The following EYA4 variants were observed in gnomAD, a reference collection of about 807,000 sequenced individuals.
EYA4 encodes EYA transcriptional coactivator and phosphatase 4.
A neutral mutation model predicts 87.9 loss-of-function variants in EYA4; 31 were observed. That is an observed-to-expected ratio of 0.35 (90% CI 0.27 to 0.48). The LOEUF (loss-of-function observed/expected upper bound fraction) is 0.48. Among genes scored for constraint, EYA4 ranks in the 20% least tolerant of loss-of-function variants. The pLI, the probability that EYA4 is intolerant of heterozygous loss-of-function variation, is 0.99. For synonymous variants in EYA4, 263 were observed against 270.6 expected, an observed-to-expected ratio of 0.97 and a Z score of 0.28; for missense variants, 678 against 761.4, an observed-to-expected ratio of 0.89 and a Z score of 1.29.
At chr6:133,416,693 G>A (rs922737270) in intron 3 of EYA4, among the ~76,000 whole-genome samples, 16 of 152,146 alleles carry the variant, frequency 1.1e-4, no homozygotes, top group Non-Finnish European at 1.5e-4. Flanking sequence ...CTATATTTTC[G>A]CATTGAGAAT....
At chr6:133,470,057 G>A (rs926478686) in intron 11 of EYA4, among the ~76,000 whole-genome samples, 34 of 150,456 alleles carry the variant, frequency 2.3e-4, no homozygotes, top group African/African-American at 8.1e-4. Context: ...TCACTCTGAT[G>A]GTAGTTTCTT....
intron 3 of EYA4, among the ~76,000 whole-genome samples, chr6:133,387,718 TA>T (rs1479386060): frequency 6.6e-6 from 1 of 152,226 alleles, no homozygotes; most frequent in Non-Finnish European, 1.5e-5. Context: ...TTAAATATTC[TA>T]AGAGTGTGAT....
At chr6:133,318,240 T>G (rs564154191) in intron 2 of EYA4, among the ~76,000 whole-genome samples, 7 of 152,192 alleles carry the variant, frequency 4.6e-5, no homozygotes, top group African/African-American at 1.7e-4. Flanking sequence ...CTTCTATGGG[T>G]GTGACTCTTC....
At chr6:133,455,928 G>A (rs1182255798) in intron 5 of EYA4, among the ~76,000 whole-genome samples, 2 of 152,184 alleles carry the variant, frequency 1.3e-5, no homozygotes, top group East Asian at 3.9e-4. Context: ...ATATTAAAAT[G>A]AGTTTTCAAA....
rs762052302 is a variant in EYA4, at chr6:133,445,832, G to A, written c.84-798G>A. Among the ~76,000 whole-genome samples, 69 of 152,106 alleles carry A rather than the reference G, an allele frequency of 4.5e-4. 1 individual carries two copies. The highest frequency in any genetic ancestry group is 9.0e-4 in the Non-Finnish European group (61 of 67,994). ...CCTGACCTCGTGATCCACTCGCCTC[G>A]GCCTCCCGAAGTGCTGGGATTACAG... is the stretch of plus-strand genomic sequence containing the variant. On this transcript the variant is annotated intron_variant, in intron 3 of 19. Coordinates refer to ENST00000355286, the MANE Select transcript of EYA4 (RefSeq NM_004100.5).
In EYA4 at chr6:133,481,603, T is replaced by C. The variant is rs1408725969; in HGVS notation, c.1107+4T>C. 2 of 1,613,694 alleles carry C rather than the reference T, an allele frequency of 1.2e-6. No individual in the cohort carries two copies. Among genetic ancestry groups the C allele is most frequent in the Non-Finnish European group, 1.7e-6 (2 of 1,179,740 alleles). ...GCCTCCTGATAGTGACCTGGAGGTA[T>C]GCCTACTCATTCTTAAAGATTGTAG... On this transcript the variant is annotated splice_donor_region_variant and intron_variant, in intron 12 of 19. Transcript: ENST00000355286.
rs755172395 is a variant in EYA4, at chr6:133,481,502, A to G, written c.1010A>G (p.Lys337Arg). ...ATGCAGAGTCCCTCCACACCCATCA[A>G]AGATCTTGATGAGAGAACCTGTAGG... The part of the protein sequence containing the change: ...DTMQSPSTPI[K>R]DLDERTCRSS... The change falls in exon 12 of 20, where the codon AAA (lysine) becomes AGA (arginine). Residue 337 changes from lysine (K) to arginine (R), a missense_variant. Physicochemically the swap from Lys to Arg is conservative, Grantham distance 26. Coordinates refer to ENST00000355286, the MANE Select transcript of EYA4 (RefSeq NM_004100.5). 8.7e-6 allele frequency: 14 copies of G among 1,614,000 alleles called. No individual in the cohort carries two copies. The highest frequency in any genetic ancestry group is 1.2e-5 in the Non-Finnish European group (14 of 1,179,928).
intron 3 of EYA4, among the ~76,000 whole-genome samples, chr6:133,419,642 C>A (rs1213260117): frequency 1.3e-5 from 2 of 152,154 alleles, no homozygotes; most frequent in African/African-American, 4.8e-5. Flanking sequence ...AAATATTGTT[C>A]ACTCTATGTG....
chr6:133,280,991 C>T lies in EYA4; in HGVS notation c.33+6178C>T, dbSNP rs1055639116. Among the ~76,000 whole-genome samples, 14 of 152,178 alleles carry T rather than the reference C, an allele frequency of 9.2e-5. No homozygotes were observed. The South Asian group carries it at 2.9e-3, about 32-fold the overall frequency. ...ACAATATGAGAACTTTTGTGGCTTG[C>T]TTTTTATACGTGACATAATGTTTGC... On this transcript the variant is annotated intron_variant, in intron 2 of 19. Transcript: ENST00000355286.
chr6:133,340,892 C>G (rs1782732711), intron 2 of EYA4, among the ~76,000 whole-genome samples: 1 of 152,168 alleles, frequency 6.6e-6, no homozygotes, highest in Non-Finnish European at 1.5e-5. Flanking sequence ...TCAGCCTGTG[C>G]CACTGAGCAG....
chr6:133,450,639 G>T (rs1435102820), intron 5 of EYA4, among the ~76,000 whole-genome samples: 38 of 152,134 alleles, frequency 2.5e-4, no homozygotes, highest in Non-Finnish European at 4.4e-5. Flanking sequence ...GAGTAGCTGG[G>T]ACTACAGACA....
intron 3 of EYA4, chr6:133,435,360 A>T (rs1791559302): frequency 6.6e-6 from 1 of 152,306 alleles, no homozygotes; most frequent in Non-Finnish European, 1.5e-5. Context: ...GGCACATTTC[A>T]AGAACAGCTT....
intron 2 of EYA4, among the ~76,000 whole-genome samples, chr6:133,368,291 C>G (rs185064053): frequency 6.6e-6 from 1 of 152,132 alleles, no homozygotes; most frequent in Admixed American, 6.5e-5. Flanking sequence ...TACCTCGCCC[C>G]GCTTTAAGAT....
intron 2 of EYA4, among the ~76,000 whole-genome samples, chr6:133,321,269 A>G (rs1316341981): frequency 2.0e-5 from 3 of 152,132 alleles, no homozygotes; most frequent in African/African-American, 7.2e-5. Context: ...TGTAGGACAA[A>G]TAAATTCTTG....
At chr6:133,371,138 C>A (rs1785235372) in intron 2 of EYA4, among the ~76,000 whole-genome samples, 1 of 152,102 alleles carries the variant, frequency 6.6e-6, no homozygotes. Context: ...TTAAAGACGA[C>A]TGAGGGAAGC....
At chr6:133,317,042 T>A (rs1347879139) in intron 2 of EYA4, among the ~76,000 whole-genome samples, 1 of 152,158 alleles carries the variant, frequency 6.6e-6, no homozygotes, top group African/African-American at 2.4e-5. Context: ...AAAAAGGAAA[T>A]GACAAAGAGA....
At chr6:133,525,046 C>G (rs749887379) in intron 18 of EYA4, 108 bp from the exon 19 acceptor site, 1 of 1,613,510 alleles carries the variant, frequency 6.2e-7, no homozygotes, top group South Asian at 1.1e-5. Flanking sequence ...GTATAGTGTC[C>G]AGATTTGGCA....
chr6:133,486,212 T>C (rs1212460521), intron 13 of EYA4, among the ~76,000 whole-genome samples: 1 of 152,214 alleles, frequency 6.6e-6, no homozygotes, highest in Non-Finnish European at 1.5e-5. Context: ...TATTGAATTA[T>C]TACATATATT....
chr6:133,333,346 T>C (rs1046651089), intron 2 of EYA4, among the ~76,000 whole-genome samples: 7 of 152,204 alleles, frequency 4.6e-5, no homozygotes, highest in African/African-American at 1.7e-4. Flanking sequence ...CAATGCATTT[T>C]CCATGCATGG....
Sources: gnomAD v4.1 joint callset for allele counts (sites outside exome capture counted in the v4.1 genomes callset) on GRCh38, gnomAD v4.1.1 for gene constraint, MANE v1.5 for transcripts, NCBI Gene and HGNC (gene_info 2026-07-23, HGNC 2026-07-21) for gene names.